The following SLC35F1 variants were observed in gnomAD, a reference collection of about 807,000 sequenced individuals.
SLC35F1 encodes the protein solute carrier family 35 member F1.
SLC35F1 carries 14 observed loss-of-function variants against 48.7 expected under a neutral mutation model. The observed-to-expected ratio is 0.29, with a 90% CI of 0.19 to 0.45. SLC35F1 has a LOEUF of 0.45. Among genes scored for constraint, SLC35F1 ranks in the 20% least tolerant of loss-of-function variants. The probability of loss-of-function intolerance (pLI) is 1.00; values close to 1 mark genes in which losing one functional copy is unlikely to be tolerated. For synonymous variants in SLC35F1, 190 were observed against 202.2 expected, an observed-to-expected ratio of 0.94 and a Z score of 0.51; for missense variants, 404 against 500.0, an observed-to-expected ratio of 0.81 and a Z score of 1.83.
intron 1 of SLC35F1, among the ~76,000 whole-genome samples, chr6:117,947,979 C>T (rs941639421): frequency 3.3e-5 from 5 of 151,962 alleles, no homozygotes; most frequent in Admixed American, 1.3e-4. Flanking sequence ...GAGCTCAAGA[C>T]GAGGAACCAG....
At chr6:118,177,451 A>G (rs55923833) in intron 2 of SLC35F1, among the ~76,000 whole-genome samples, 20,354 of 152,150 alleles carry the variant, frequency 0.13, 1,630 homozygotes, top group Non-Finnish European at 0.18. Context: ...ACAGTTAAGC[A>G]GTTCCCTTCC....
chr6:118,099,368 C>A (rs973147847), intron 1 of SLC35F1, among the ~76,000 whole-genome samples: 7 of 152,184 alleles, frequency 4.6e-5, no homozygotes, highest in Non-Finnish European at 7.3e-5. Flanking sequence ...TACTACAAAG[C>A]AAGGTCTTGC....
chr6:117,923,689 A>G lies in SLC35F1; in HGVS notation c.173+15790A>G, dbSNP rs757146761. ...TATACATATATGTACATATATACAT[A>G]TGTACATATACATATATGTACATAT... On this transcript the variant is annotated intron_variant, in intron 1 of 7. Coordinates refer to ENST00000360388, the MANE Select transcript of SLC35F1 (RefSeq NM_001029858.4). Among the ~76,000 whole-genome samples, 33 of 55,400 alleles carry G rather than the reference A, an allele frequency of 6.0e-4. 8 individuals are homozygous for G. The highest frequency in any genetic ancestry group is 1.6e-3 in the African/African-American group (26 of 16,196). The allele number at this position is 55,400 out of a possible 152,430, so 36.3% of individuals were successfully genotyped here.
chr6:118,050,701 C>T (rs763015587), intron 1 of SLC35F1, among the ~76,000 whole-genome samples: 2 of 152,116 alleles, frequency 1.3e-5, no homozygotes, highest in African/African-American at 2.4e-5. Context: ...GGAATGGGGA[C>T]TAGCAGAAGC....
intron 2 of SLC35F1, among the ~76,000 whole-genome samples, chr6:118,167,368 C>T (rs1166064748): frequency 6.6e-6 from 1 of 152,164 alleles, no homozygotes; most frequent in Non-Finnish European, 1.5e-5. Flanking sequence ...ATTGTGCAAA[C>T]ATCATACAGT....
At chr6:117,934,044 G>T (rs1370818427) in intron 1 of SLC35F1, among the ~76,000 whole-genome samples, 1 of 152,094 alleles carries the variant, frequency 6.6e-6, no homozygotes, top group Non-Finnish European at 1.5e-5. Context: ...AGGCATTGTG[G>T]AGGGAAATTC....
chr6:118,118,139 T>A (rs1237254953), intron 1 of SLC35F1, among the ~76,000 whole-genome samples: 1 of 152,172 alleles, frequency 6.6e-6, no homozygotes, highest in Non-Finnish European at 1.5e-5. Context: ...GTATGTGTAA[T>A]TTTATAAAGT....
At chr6:118,071,075 A>ACG (rs1554226179) in intron 1 of SLC35F1, among the ~76,000 whole-genome samples, 12 of 1,274 alleles carry the variant, frequency 9.4e-3, no homozygotes, top group Admixed American at 0.016. Context: ...TATATATACT[A>ACG]TGTGTATATA....
intron 3 of SLC35F1, among the ~76,000 whole-genome samples, chr6:118,253,665 G>A (rs1775604061): frequency 6.6e-6 from 1 of 151,328 alleles, no homozygotes; most frequent in African/African-American, 2.4e-5. Flanking sequence ...AGAGGTAGGA[G>A]GGAAAAACAA....
chr6:117,946,747 A>C (rs972830063), intron 1 of SLC35F1, among the ~76,000 whole-genome samples: 2 of 152,210 alleles, frequency 1.3e-5, no homozygotes, highest in Non-Finnish European at 2.9e-5. Flanking sequence ...TTTGCACACT[A>C]AGATTATTTA....
At chr6:118,147,807 TTCTCTTA>T (rs1345436793) in intron 1 of SLC35F1, among the ~76,000 whole-genome samples, 2 of 152,184 alleles carry the variant, frequency 1.3e-5, no homozygotes, top group African/African-American at 4.8e-5. Context: ...CTTACTTGGT[TTCTCTTA>T]TCTAATTAGA....
At chr6:118,313,479 TC>T (rs919766183) in intron 7 of SLC35F1, among the ~76,000 whole-genome samples, 1 of 152,192 alleles carries the variant, frequency 6.6e-6, no homozygotes, top group Non-Finnish European at 1.5e-5. Flanking sequence ...TTCTTTCTGT[TC>T]AAGGATAATC....
chr6:118,138,307 CAAA>C (rs56094377), intron 1 of SLC35F1, among the ~76,000 whole-genome samples: 1 of 127,944 alleles, frequency 7.8e-6, no homozygotes. Context: ...ACTCCCACCT[CAAA>C]AAAAAAAAAA....
intron 1 of SLC35F1, among the ~76,000 whole-genome samples, chr6:118,017,781 C>CT (rs1443229226): frequency 6.6e-6 from 1 of 152,114 alleles, no homozygotes; most frequent in Non-Finnish European, 1.5e-5. Flanking sequence ...TGTAGTGAGC[C>CT]TTTTTTTGTA....
intron 2 of SLC35F1, among the ~76,000 whole-genome samples, chr6:118,156,879 A>T (rs1418897669): frequency 6.6e-6 from 1 of 152,052 alleles, no homozygotes; most frequent in Non-Finnish European, 1.5e-5. Context: ...AACTTGAATC[A>T]GGAAAAAAAA....
chr6:118,251,323 T>A (rs9372498), intron 3 of SLC35F1, among the ~76,000 whole-genome samples: 12,519 of 152,106 alleles, frequency 0.082, 510 homozygotes, highest in Middle Eastern at 0.15. Context: ...GTGTGTTTTT[T>A]AAATTTTTTT....
chr6:118,245,271 A>G (rs1316829655), intron 3 of SLC35F1, among the ~76,000 whole-genome samples: 2 of 152,204 alleles, frequency 1.3e-5, no homozygotes. Flanking sequence ...AAACTTGCCA[A>G]TCCCTTCTAG....
intron 3 of SLC35F1, among the ~76,000 whole-genome samples, chr6:118,249,549 AAG>A (rs1416020023): frequency 6.6e-6 from 1 of 152,180 alleles, no homozygotes; most frequent in African/African-American, 2.4e-5. Flanking sequence ...AAAAAAGAAA[AAG>A]AAAAACTATG....
At chr6:117,948,262 T>C (rs916318722) in intron 1 of SLC35F1, among the ~76,000 whole-genome samples, 1 of 152,204 alleles carries the variant, frequency 6.6e-6, no homozygotes, top group African/African-American at 2.4e-5. Context: ...TTTACAGTAC[T>C]TAAGACCTAT....
Sources: gnomAD v4.1 joint callset for allele counts (sites outside exome capture counted in the v4.1 genomes callset) on GRCh38, gnomAD v4.1.1 for gene constraint, MANE v1.5 for transcripts, NCBI Gene and HGNC (gene_info 2026-07-23, HGNC 2026-07-21) for gene names.